The following OR51B5 variants were observed in gnomAD, a reference collection of about 807,000 sequenced individuals.
OR51B5 encodes olfactory receptor 51B5.
For missense variants in OR51B5, 456 were observed against 374.6 expected, an observed-to-expected ratio of 1.22 and a Z score of -1.79; for synonymous variants, 186 against 144.8, an observed-to-expected ratio of 1.28 and a Z score of -2.04.
chr11:5,451,339 C>G (rs973407414), intron 1 of OR51B5, among the ~76,000 whole-genome samples: 2 of 152,186 alleles, frequency 1.3e-5, no homozygotes, highest in African/African-American at 4.8e-5. Flanking sequence ...CCTTCTCTTT[C>G]TGTTACTTTT....
At chr11:5,431,096 AG>A in intron 1 of OR51B5, 1 of 429,656 alleles carries the variant, frequency 2.3e-6, no homozygotes, top group South Asian at 1.7e-5. Flanking sequence ...GTGTGGCAAT[AG>A]GGCAGTTGCC....
intron 1 of OR51B5, among the ~76,000 whole-genome samples, chr11:5,460,080 G>C (rs1013773060): frequency 1.3e-5 from 2 of 151,120 alleles, no homozygotes; most frequent in East Asian, 1.9e-4. Flanking sequence ...AAGATCATGA[G>C]ATCATGTCCT....
intron 1 of OR51B5, chr11:5,422,985 T>C: frequency 1.2e-6 from 2 of 1,614,208 alleles, no homozygotes; most frequent in Non-Finnish European, 1.7e-6. Context: ...GGTGTATCTA[T>C]GACTCATCGC....
At chr11:5,504,876 CT>C (rs1368687121) in intron 1 of OR51B5, among the ~76,000 whole-genome samples, 2 of 152,182 alleles carry the variant, frequency 1.3e-5, no homozygotes, top group African/African-American at 2.4e-5. Flanking sequence ...TGAGTTTACT[CT>C]TTAATGAAGC....
At chr11:5,488,690 T>C (rs751098502) in intron 1 of OR51B5, 6 of 1,566,644 alleles carry the variant, frequency 3.8e-6, no homozygotes, top group Admixed American at 3.4e-5. Flanking sequence ...GAAAGAGCCC[T>C]TCATTTGCCA....
chr11:5,363,298 C>A (rs1259565871), intron 1 of OR51B5, among the ~76,000 whole-genome samples: 1 of 138,744 alleles, frequency 7.2e-6, no homozygotes, highest in Non-Finnish European at 1.6e-5. Context: ...GGTGAGTGGA[C>A]AGACATCGTT....
chr11:5,453,656 T>C lies in OR51B5; in HGVS notation n.84+51913A>G, dbSNP rs772350779. ...CTGTGCGAGTGGAGCCCAGCCTCCA[T>C]GAGCCCATGTACTACTTCCTGTCCA... On this transcript the variant is annotated intron_variant and non_coding_transcript_variant, in intron 1 of 4. Transcript: ENST00000415970. The C allele has an allele frequency of 2.5e-6, 4 of 1,613,442 alleles. No homozygotes were observed. The African/African-American group carries it at 4.0e-5, about 16-fold the overall frequency.
At chr11:5,359,156 G>C (rs1243150163) in intron 1 of OR51B5, among the ~76,000 whole-genome samples, 1 of 151,834 alleles carries the variant, frequency 6.6e-6, no homozygotes, top group Non-Finnish European at 1.5e-5. Context: ...CAATTAGGCA[G>C]GAGAAGGAAA....
At chr11:5,492,255 C>T (rs1416621590) in intron 1 of OR51B5, among the ~76,000 whole-genome samples, 2 of 152,068 alleles carry the variant, frequency 1.3e-5, no homozygotes, top group East Asian at 3.9e-4. Flanking sequence ...CACTCACTCA[C>T]ACACATTTTC....
intron 1 of OR51B5, among the ~76,000 whole-genome samples, chr11:5,383,015 GA>G (rs1239442054): frequency 6.6e-6 from 1 of 152,098 alleles, no homozygotes; most frequent in East Asian, 1.9e-4. Flanking sequence ...AGTTTTGAAA[GA>G]AAAGAGAAAT....
intron 1 of OR51B5, among the ~76,000 whole-genome samples, chr11:5,364,910 A>G (rs1174353831): frequency 1.3e-5 from 2 of 152,190 alleles, no homozygotes; most frequent in Non-Finnish European, 2.9e-5. Flanking sequence ...ATAATTTTTA[A>G]TCATTGTAGC....
At chr11:5,397,816 G>A (rs1849902057) in intron 1 of OR51B5, among the ~76,000 whole-genome samples, 2 of 151,140 alleles carry the variant, frequency 1.3e-5, no homozygotes, top group Non-Finnish European at 1.5e-5. Context: ...GTCCAACAAT[G>A]ATAGACTGGA....
chr11:5,377,945 G>T (rs1849552831), intron 1 of OR51B5, among the ~76,000 whole-genome samples: 1 of 151,820 alleles, frequency 6.6e-6, no homozygotes, highest in Non-Finnish European at 1.5e-5. Context: ...TTTCTTCACA[G>T]AATTGGAAAA....
intron 1 of OR51B5, chr11:5,389,388 A>T (rs758006046): frequency 3.0e-5 from 48 of 1,608,736 alleles, no homozygotes; most frequent in African/African-American, 4.0e-5. Context: ...TTTCAGCTCA[A>T]TCCCCGAGGA....
intron 1 of OR51B5, among the ~76,000 whole-genome samples, chr11:5,482,484 A>G (rs1851439033): frequency 9.5e-6 from 1 of 104,878 alleles, no homozygotes; most frequent in Non-Finnish European, 1.8e-5. Flanking sequence ...AGCAATGGCA[A>G]CAAAAGACAA....
chr11:5,454,344 G>A, intron 1 of OR51B5: 3 of 1,614,048 alleles, frequency 1.9e-6, no homozygotes, highest in Non-Finnish European at 2.5e-6. Flanking sequence ...TGTGCCTCCT[G>A]TGCTCAACCC....
At chr11:5,403,183 T>G (rs1221537100) in intron 1 of OR51B5, 1 of 471,342 alleles carries the variant, frequency 2.1e-6, no homozygotes, top group Admixed American at 2.3e-5. Flanking sequence ...AACATTTCTG[T>G]TAACAATATC....
At chr11:5,465,414 G>A (rs1851124938) in intron 1 of OR51B5, among the ~76,000 whole-genome samples, 1 of 151,988 alleles carries the variant, frequency 6.6e-6, no homozygotes, top group Non-Finnish European at 1.5e-5. Context: ...TTTGAGAAGT[G>A]TCAAGCTACC....
chr11:5,385,327 C>G (rs762609259), intron 1 of OR51B5: 6 of 152,082 alleles, frequency 3.9e-5, no homozygotes, highest in Non-Finnish European at 7.4e-5. Flanking sequence ...AGAAATAATC[C>G]CAGCCCTGTC....
Sources: allele counts gnomAD v4.1 joint callset (sites outside exome capture counted in the v4.1 genomes callset), GRCh38; gene constraint gnomAD v4.1.1; transcripts MANE v1.5; gene names NCBI Gene and HGNC (gene_info 2026-07-23, HGNC 2026-07-21).